The following INPP4B variants were observed in gnomAD, a reference collection of about 807,000 sequenced individuals.
INPP4B encodes inositol polyphosphate-4-phosphatase type II B, also known as inositol polyphosphate 4-phosphatase type II.
In INPP4B, 55 loss-of-function variants were observed where a neutral mutation model predicts 122.5. The observed-to-expected ratio is 0.45, with a 90% CI of 0.36 to 0.56. The LOEUF (loss-of-function observed/expected upper bound fraction) is 0.56. Ranked by LOEUF, INPP4B falls within the 20% of genes least tolerant of loss-of-function variation. The pLI is 0.00. For synonymous variants in INPP4B, 403 were observed against 388.7 expected (o/e 1.04, Z -0.43); for missense variants, 1,000 against 1,097.7 (o/e 0.91, Z 1.26).
At chr4:142,488,900 G>T (rs551354181) in intron 2 of INPP4B, among the ~76,000 whole-genome samples, 1 of 151,768 alleles carries the variant, frequency 6.6e-6, no homozygotes, top group Admixed American at 6.6e-5. Flanking sequence ...GCTTACTTTG[G>T]TTTTAATTTA....
At chr4:142,642,449 G>T (rs1374213133) in intron 2 of INPP4B, among the ~76,000 whole-genome samples, 1 of 152,214 alleles carries the variant, frequency 6.6e-6, no homozygotes, top group Non-Finnish European at 1.5e-5. Flanking sequence ...TTTGTATAAG[G>T]TATAAGGAAG....
chr4:142,122,474 G>A (rs1267926172), intron 20 of INPP4B, among the ~76,000 whole-genome samples: 2 of 151,906 alleles, frequency 1.3e-5, no homozygotes, highest in East Asian at 1.9e-4. Flanking sequence ...AAGGAAGAAC[G>A]TGGACATTTG....
intron 5 of INPP4B, among the ~76,000 whole-genome samples, chr4:142,416,029 G>A (rs1400622985): frequency 6.6e-6 from 1 of 151,966 alleles, no homozygotes; most frequent in Non-Finnish European, 1.5e-5. Context: ...GGGAGGGATA[G>A]CATTAGGAGA....
intron 17 of INPP4B, among the ~76,000 whole-genome samples, chr4:142,148,423 A>T (rs956826014): frequency 6.6e-6 from 1 of 152,142 alleles, no homozygotes; most frequent in Non-Finnish European, 1.5e-5. Flanking sequence ...TATGTTGCCC[A>T]GGCTGATCTT....
intron 25 of INPP4B, among the ~76,000 whole-genome samples, chr4:142,067,800 G>A (rs13435467): frequency 0.026 from 3,896 of 152,182 alleles, 184 homozygotes; most frequent in African/African-American, 0.089. Context: ...AAAAAGAAAC[G>A]AACGAAGCCT....
At chr4:142,582,966 A>G (rs371664787) in intron 2 of INPP4B, among the ~76,000 whole-genome samples, 12 of 152,158 alleles carry the variant, frequency 7.9e-5, no homozygotes, top group African/African-American at 2.7e-4. Flanking sequence ...ATTAATGACA[A>G]TTTATATTGA....
intron 7 of INPP4B, among the ~76,000 whole-genome samples, chr4:142,370,600 T>G (rs1249410044): frequency 6.6e-6 from 1 of 151,786 alleles, no homozygotes; most frequent in Non-Finnish European, 1.5e-5. Context: ...TTCAGCAAAT[T>G]TACAGGATAC....
At chr4:142,323,511 T>A (rs1770982028) in intron 7 of INPP4B, among the ~76,000 whole-genome samples, 1 of 147,750 alleles carries the variant, frequency 6.8e-6, no homozygotes, top group Non-Finnish European at 1.5e-5. Flanking sequence ...AGTGGCACGA[T>A]CTTGGCTCAC....
At chr4:142,706,836 A>G (rs1373105552) in intron 2 of INPP4B, among the ~76,000 whole-genome samples, 3 of 152,216 alleles carry the variant, frequency 2.0e-5, no homozygotes, top group Non-Finnish European at 4.4e-5. Context: ...ATATTGCTCA[A>G]CTCCAGTGAA....
chr4:142,249,038 T>C (rs991155313), intron 11 of INPP4B, among the ~76,000 whole-genome samples: 9 of 152,002 alleles, frequency 5.9e-5, no homozygotes, highest in African/African-American at 2.2e-4. Flanking sequence ...TTTAACCCTA[T>C]TTGGTGAAAA....
intron 2 of INPP4B, among the ~76,000 whole-genome samples, chr4:142,632,788 A>G (rs1216848228): frequency 1.3e-5 from 2 of 151,994 alleles, no homozygotes; most frequent in East Asian, 3.9e-4. Flanking sequence ...TAAAAGATGC[A>G]TGTTGTGAGA....
At chr4:142,795,382 T>A (rs1408579262) in intron 1 of INPP4B, 2 of 151,984 alleles carry the variant, frequency 1.3e-5, no homozygotes, top group Non-Finnish European at 2.9e-5. Context: ...TTGTTCTCTT[T>A]CTTAACCTGA....
chr4:142,505,045 G>A (rs1203046472), intron 2 of INPP4B, among the ~76,000 whole-genome samples: 1 of 151,948 alleles, frequency 6.6e-6, no homozygotes, highest in African/African-American at 2.4e-5. Flanking sequence ...GACCAGTCTG[G>A]ACAACATAGT....
intron 25 of INPP4B, among the ~76,000 whole-genome samples, chr4:142,071,277 A>C (rs539025466): frequency 6.6e-6 from 1 of 152,244 alleles, no homozygotes; most frequent in Non-Finnish European, 1.5e-5. Context: ...AAAACTGGCT[A>C]GCCATATGTA....
intron 2 of INPP4B, among the ~76,000 whole-genome samples, chr4:142,567,335 G>A (rs1173041829): frequency 1.3e-5 from 2 of 152,304 alleles, no homozygotes; most frequent in African/African-American, 4.8e-5. Flanking sequence ...CGAGAGCACA[G>A]CTGCCCTGAC....
chr4:142,474,100 G>A (rs1419939808), intron 2 of INPP4B: 2 of 152,006 alleles, frequency 1.3e-5, no homozygotes, highest in Non-Finnish European at 2.9e-5. Context: ...TAGAGCTTCC[G>A]GTCCAGTGGT....
intron 2 of INPP4B, among the ~76,000 whole-genome samples, chr4:142,625,082 T>A (rs1230675801): frequency 6.7e-6 from 1 of 149,994 alleles, no homozygotes; most frequent in Non-Finnish European, 1.5e-5. Flanking sequence ...AAGACAGGGA[T>A]GCCCTCTCTC....
intron 1 of INPP4B, among the ~76,000 whole-genome samples, chr4:142,748,982 A>C (rs532277961): frequency 5.1e-4 from 78 of 151,752 alleles, no homozygotes; most frequent in African/African-American, 1.8e-3. Flanking sequence ...TCTACTAAAA[A>C]CACAAAAATT....
At position 142,260,535 on chromosome 4, in the gene INPP4B, C is replaced by T. The variant is rs147902628; in HGVS notation, c.645G>A (p.Pro215=). ...KCALVCECTA[P]ESVSGKDNLP... ...AGTTATCTTTTCCGCTCACACTTTC[C>T]GGGGCTGTACATTCACATACCAGGG... Residue 215 remains proline (P), a synonymous_variant, in exon 11 of 26, where the codon CCG becomes CCA. Coordinates refer to ENST00000262992, the MANE Select transcript of INPP4B (RefSeq NM_001101669.3). 108 of 1,607,868 alleles carry T rather than the reference C, an allele frequency of 6.7e-5. No homozygotes were observed. The highest frequency in any genetic ancestry group is 7.6e-5 in the Non-Finnish European group (90 of 1,176,880).
Sources: allele counts gnomAD v4.1 joint callset (sites outside exome capture counted in the v4.1 genomes callset), GRCh38; gene constraint gnomAD v4.1.1; transcripts MANE v1.5; gene names NCBI Gene and HGNC (gene_info 2026-07-23, HGNC 2026-07-21).